The following FSTL5 variants were observed in gnomAD, a reference collection of about 807,000 sequenced individuals.
FSTL5 encodes the protein follistatin-related protein 5.
In FSTL5, 62 loss-of-function variants were observed where a neutral mutation model predicts 89.1. The ratio of observed to expected loss-of-function variants is 0.70; its 90% CI spans 0.57 to 0.86. The LOEUF (loss-of-function observed/expected upper bound fraction) is 0.86, where lower values mean the gene tolerates loss of function less well. Ranked by LOEUF, FSTL5 falls within the 40% of genes least tolerant of loss-of-function variation. FSTL5 has a pLI of 0.00. For missense variants in FSTL5, 1,057 were observed against 1,001.6 expected, an observed-to-expected ratio of 1.06 and a Z score of -0.75; for synonymous variants, 383 against 346.2, an observed-to-expected ratio of 1.11 and a Z score of -1.18.
intron 2 of FSTL5, among the ~76,000 whole-genome samples, chr4:162,084,589 A>G (rs1183277678): frequency 6.6e-6 from 1 of 152,154 alleles, no homozygotes; most frequent in African/African-American, 2.4e-5. Context: ...AATACTATGC[A>G]GCCATAAAAA....
rs56162548 is a variant in FSTL5 at position 161,513,847 on chromosome 4, G to A, written c.1313-3423C>T. ...AGGCCTGTTGGAGTGTGGTGGATAG[G>A]AGGAGAGAGAATATCAAGAAAAATA... is the stretch of plus-strand genomic sequence containing the variant. On this transcript the variant is annotated intron_variant, in intron 10 of 15. Coordinates refer to ENST00000306100, the MANE Select transcript of FSTL5 (RefSeq NM_020116.5). Among the ~76,000 whole-genome samples the A allele has an allele frequency of 6.9e-3, 1,056 of 152,210 alleles. 8 individuals carry two copies. Among genetic ancestry groups the A allele is most frequent in the African/African-American group, 0.023 (941 of 41,542 alleles).
At chr4:161,494,875 C>A (rs1333742895) in intron 12 of FSTL5, among the ~76,000 whole-genome samples, 1 of 151,974 alleles carries the variant, frequency 6.6e-6, no homozygotes, top group Non-Finnish European at 1.5e-5. Context: ...GCCTGGGCAA[C>A]CTTGCGAGGC....
chr4:162,059,590 T>C (rs959741836), intron 2 of FSTL5, among the ~76,000 whole-genome samples: 1 of 152,166 alleles, frequency 6.6e-6, no homozygotes, highest in African/African-American at 2.4e-5. Flanking sequence ...ACTTCATTCC[T>C]TTCAGAACAC....
In FSTL5 at chr4:162,002,422, C is replaced by T. The variant is rs184324514; in HGVS notation, c.160+31203G>A. ...ACTGGGGCTCCGTAGGATAGGAACT[C>T]CTCTTAGGCTATCCACAATATCTTG... On this transcript the variant is annotated intron_variant, in intron 3 of 15. Coordinates refer to ENST00000306100, the MANE Select transcript of FSTL5 (RefSeq NM_020116.5). Among the ~76,000 whole-genome samples, 392 of 152,310 alleles carry T rather than the reference C, an allele frequency of 2.6e-3. 2 individuals are homozygous for T. The highest frequency in any genetic ancestry group is 3.2e-3 in the Non-Finnish European group (221 of 68,018).
chr4:161,702,429 G>C (rs1738427413), intron 6 of FSTL5, among the ~76,000 whole-genome samples: 1 of 152,050 alleles, frequency 6.6e-6, no homozygotes, highest in Non-Finnish European at 1.5e-5. Flanking sequence ...GGTTTCCATA[G>C]ATAATGGCAC....
chr4:161,539,828 G>A (rs912161963), intron 9 of FSTL5, among the ~76,000 whole-genome samples: 4 of 151,406 alleles, frequency 2.6e-5, no homozygotes, highest in Non-Finnish European at 5.9e-5. Flanking sequence ...TCTAAAGATA[G>A]GTAGTAAACA....
intron 2 of FSTL5, among the ~76,000 whole-genome samples, chr4:162,095,914 A>C (rs2111369524): frequency 6.6e-6 from 1 of 152,060 alleles, no homozygotes; most frequent in East Asian, 1.9e-4. Context: ...AGAAAAATAT[A>C]TCTTTAATGT....
In FSTL5 at chr4:161,458,726, G is replaced by GTATCTGTGAAGT. The variant is rs1733453772; in HGVS notation, c.1716+474_1716+485dup. 2.0e-5 allele frequency among the ~76,000 whole-genome samples: 3 copies of GTATCTGTGAAGT among 152,194 alleles called. No individual in the cohort carries two copies. The South Asian group carries it at 6.2e-4, about 32-fold the overall frequency. On this transcript the variant is annotated intron_variant, in intron 14 of 15. Transcript: ENST00000306100. ...ACCAAAATGCAGATTTTCTTTTTCT[G>GTATCTGTGAAGT]TATCTGTGAAGTTCTCACATAAACA...
chr4:162,111,242 T>C (rs1393309195), intron 2 of FSTL5, 29 bp downstream of exon 2: 7 of 1,547,286 alleles, frequency 4.5e-6, no homozygotes, highest in Non-Finnish European at 6.2e-6. Context: ...TGGCAGGCAC[T>C]ATGAGCAGAT....
At chr4:161,828,289 G>A (rs1311423061) in intron 4 of FSTL5, among the ~76,000 whole-genome samples, 1 of 152,098 alleles carries the variant, frequency 6.6e-6, no homozygotes, top group Non-Finnish European at 1.5e-5. Context: ...TTCACTCTTT[G>A]AGCATTTACA....
chr4:161,695,617 A>G (rs1738127585), intron 6 of FSTL5, among the ~76,000 whole-genome samples: 1 of 152,040 alleles, frequency 6.6e-6, no homozygotes, highest in Admixed American at 6.6e-5. Flanking sequence ...ATGACTGCCA[A>G]CATCCTTTGT....
intron 4 of FSTL5, among the ~76,000 whole-genome samples, chr4:161,877,946 G>T (rs1347499933): frequency 6.6e-6 from 1 of 151,048 alleles, no homozygotes; most frequent in African/African-American, 2.4e-5. Flanking sequence ...GAGTAACTGC[G>T]CCCGGCACCA....
Position 161,615,460 on chromosome 4 carries a change from A to G in FSTL5, c.895-27885T>C, listed in dbSNP as rs529709584. On this transcript the variant is annotated intron_variant, in intron 7 of 15. Transcript: ENST00000306100. ...ACTCCATCTCAAAAAAAAAAAAAAAAAAAGAAAGAAAAAGAAATACAGGCC... is the reference window on the plus strand; with the variant it reads ...ACTCCATCTCAAAAAAAAAAAAAAAGAAAGAAAGAAAAAGAAATACAGGCC... Among the ~76,000 whole-genome samples the G allele has an allele frequency of 7.6e-3, 1,139 of 150,268 alleles. 9 individuals carry two copies. The highest frequency in any genetic ancestry group is 0.018 in the African/African-American group (736 of 41,070).
At chr4:161,522,458 C>T (rs191008872) in intron 10 of FSTL5, among the ~76,000 whole-genome samples, 9 of 152,010 alleles carry the variant, frequency 5.9e-5, no homozygotes, top group Non-Finnish European at 4.4e-5. Flanking sequence ...GGCTTTTCCT[C>T]CCGTATTATA....
intron 4 of FSTL5, among the ~76,000 whole-genome samples, chr4:161,827,015 GGT>G (rs1368744847): frequency 2.6e-5 from 4 of 151,918 alleles, no homozygotes; most frequent in African/African-American, 9.7e-5. Flanking sequence ...TGTTCATTTT[GGT>G]GTATTTCAAG....
chr4:161,877,751 G>C (rs1579162543), intron 4 of FSTL5, among the ~76,000 whole-genome samples: 1 of 151,818 alleles, frequency 6.6e-6, no homozygotes, highest in African/African-American at 2.4e-5. Flanking sequence ...GCGTGAACCC[G>C]AGAGGCGGAG....
chr4:161,747,342 C>T (rs1740234979), intron 6 of FSTL5, among the ~76,000 whole-genome samples: 1 of 152,122 alleles, frequency 6.6e-6, no homozygotes, highest in Non-Finnish European at 1.5e-5. Flanking sequence ...TCTCTCCCCA[C>T]CTTTCCAACA....
At position 161,845,557 on chromosome 4, in the gene FSTL5, CTGAATACAT is replaced by C. The variant is rs1196682556; in HGVS notation, c.410-69492_410-69484del. 2.0e-5 allele frequency among the ~76,000 whole-genome samples: 3 copies of C among 152,324 alleles called. No homozygotes were observed. In the East Asian group the frequency reaches 5.8e-4, roughly 29 times the overall value. ...TTCAAAGGCAGCATATTTATAACCT[CTGAATACAT>C]TGGAAACTTTTGCCTTAGAATACAA... On this transcript the variant is annotated intron_variant, in intron 4 of 15. Transcript: ENST00000306100.
At chr4:161,928,856 C>T (rs1358077726) in intron 3 of FSTL5, among the ~76,000 whole-genome samples, 1 of 151,732 alleles carries the variant, frequency 6.6e-6, no homozygotes, top group East Asian at 1.9e-4. Context: ...TCTTCTCAAT[C>T]TCATGACAGT....
Sources: gnomAD v4.1 joint callset for allele counts (sites outside exome capture counted in the v4.1 genomes callset) on GRCh38, gnomAD v4.1.1 for gene constraint, MANE v1.5 for transcripts, NCBI Gene and HGNC (gene_info 2026-07-23, HGNC 2026-07-21) for gene names.